NFXL1: variants seen among roughly 807,000 people sequenced by gnomAD.
NFXL1 encodes nuclear transcription factor, X-box binding like 1.
In NFXL1, 66 loss-of-function variants were observed where a neutral mutation model predicts 123.3. The observed-to-expected ratio is 0.54, with a 90% confidence interval of 0.44 to 0.66. The LOEUF (loss-of-function observed/expected upper bound fraction) is 0.66, where lower values mean the gene tolerates loss of function less well. Ranked by LOEUF, NFXL1 falls within the 30% of genes least tolerant of loss-of-function variation. The probability of loss-of-function intolerance (pLI) is 0.00; values close to 1 mark genes in which losing one functional copy is unlikely to be tolerated. For missense variants in NFXL1, 944 were observed against 1,125.6 expected, an observed-to-expected ratio of 0.84 and a Z score of 2.31; for synonymous variants, 346 against 360.8, an observed-to-expected ratio of 0.96 and a Z score of 0.46.
intron 13 of NFXL1, 110 bp from the exon 14 acceptor site, chr4:47,885,767 C>T (rs1736393196): frequency 3.0e-6 from 4 of 1,343,512 alleles, no homozygotes; most frequent in Non-Finnish European, 4.1e-6. Context: ...AATGAGTATA[C>T]TGTGAATATT....
Position 47,899,075 on chromosome 4 carries a change from C to T in NFXL1, c.872G>A (p.Cys291Tyr). Residue 291 changes from cysteine to tyrosine, a missense_variant, in exon 7 of 23, where the codon TGT (cysteine) becomes TAT (tyrosine). Cys to Tyr is a radical substitution (Grantham distance 194, BLOSUM62 -2). Coordinates refer to ENST00000507489, the MANE Select transcript of NFXL1 (RefSeq NM_001278624.2). ...CPKMVTTTCY[C>Y]KKAKPIPRRC... ...ACGAGGGATAGGTTTTGCTTTCTTA[C>T]AGTAACAAGTAGTTGTGACCATCTT... 1 of 1,599,140 alleles carries T rather than the reference C, an allele frequency of 6.3e-7. No individual in the cohort carries two copies. The highest frequency in any genetic ancestry group is 8.5e-7 in the Non-Finnish European group (1 of 1,175,830).
At chr4:47,867,958 A>G (rs1244338617) in intron 18 of NFXL1, among the ~76,000 whole-genome samples, 1 of 152,250 alleles carries the variant, frequency 6.6e-6, no homozygotes, top group Non-Finnish European at 1.5e-5. Context: ...CACTTCATTC[A>G]ACCAAGAGAA....
chr4:47,897,965 A>G lies in NFXL1; in HGVS notation c.1204+2T>C. The G allele has an allele frequency of 6.4e-7, 1 of 1,554,972 alleles. No individual in the cohort carries two copies. The highest frequency in any genetic ancestry group is 8.8e-7 in the Non-Finnish European group (1 of 1,142,218). The stretch of plus-strand genomic sequence containing the variant: ...ATAAATATAAAAAAAAACAAGTCTT[A>G]CTTGATTTCTGACATGGACAGAACC... On this transcript the variant is annotated splice_donor_variant, in intron 9 of 22. Transcript: ENST00000507489. LOFTEE classifies it high-confidence loss of function.
At chr4:47,898,234 T>C (rs964075194) in intron 8 of NFXL1, among the ~76,000 whole-genome samples, 153 bp from the exon 9 acceptor site, 8 of 152,192 alleles carry the variant, frequency 5.3e-5, no homozygotes, top group African/African-American at 1.4e-4. Flanking sequence ...GTGTCATACA[T>C]ATGTATATAT....
intron 19 of NFXL1, among the ~76,000 whole-genome samples, chr4:47,859,487 A>G (rs1734599828): frequency 6.6e-6 from 1 of 152,164 alleles, no homozygotes; most frequent in South Asian, 2.1e-4. Flanking sequence ...TAATTTTCCC[A>G]AGTAAAAAGT....
Position 47,910,913 on chromosome 4 carries a change from C to G in NFXL1, c.317G>C (p.Ser106Thr), listed in dbSNP as rs140165643. The stretch of plus-strand genomic sequence containing the variant: ...TTCATCTCCTTCTTCAGATGAAGAG[C>G]TAAACTGTTCTTCAACAAGTTTTCT... ...AARKLVEEQFSSSSEEGDEDF... is the reference protein window; with the variant it reads ...AARKLVEEQFTSSSEEGDEDF... Residue 106 changes from serine to threonine, a missense_variant, in exon 3 of 23, where the codon AGC becomes ACC. Ser to Thr is a moderately conservative substitution (Grantham distance 58). Around this residue, in one of 4 missense-constraint regions of NFXL1, gnomAD observed 303 missense variants for 292.1 expected, o/e 1.04. Coordinates refer to ENST00000507489, the MANE Select transcript of NFXL1 (RefSeq NM_001278624.2). 56 of 1,605,292 alleles carry G rather than the reference C, an allele frequency of 3.5e-5. 1 individual carries two copies. The African/African-American group carries it at 4.4e-4, about 13-fold the overall frequency.
At position 47,899,098 on chromosome 4, in the gene NFXL1, C is replaced by G. The variant is rs559438658; in HGVS notation, c.849G>C (p.Lys283Asn). 6.4e-7 allele frequency: 1 copy of G among 1,566,926 alleles called. No homozygotes were observed. The highest frequency in any genetic ancestry group is 1.1e-5 in the South Asian group (1 of 89,482). ...CHPGPCPPCPKMVTTTCYCKK... is the reference protein window; with the variant it reads ...CHPGPCPPCPNMVTTTCYCKK... ...TACAGTAACAAGTAGTTGTGACCAT[C>G]TTTGGACAAGGAGGGCAGGGACCTA... The change falls in exon 7 of 23, where the codon AAG becomes AAC. Residue 283 changes from lysine (K) to asparagine (N), a missense_variant. Around this residue, in one of 4 missense-constraint regions of NFXL1, gnomAD observed 296 missense variants for 395.1 expected, o/e 0.75. Coordinates refer to ENST00000507489, the MANE Select transcript of NFXL1 (RefSeq NM_001278624.2).
intron 12 of NFXL1, among the ~76,000 whole-genome samples, chr4:47,886,379 T>A (rs1736432620): frequency 6.6e-6 from 1 of 152,104 alleles, no homozygotes; most frequent in African/African-American, 2.4e-5. Flanking sequence ...TTTTCTCTTT[T>A]TTTTTTTGTA....
At chr4:47,886,813 G>A (rs1180346074) in intron 12 of NFXL1, among the ~76,000 whole-genome samples, 2 of 152,162 alleles carry the variant, frequency 1.3e-5, no homozygotes, top group Non-Finnish European at 2.9e-5. Context: ...ATGGATTTAA[G>A]TCTTTGGAAA....
intron 11 of NFXL1, 95 bp from the exon 12 acceptor site, chr4:47,890,798 G>T: frequency 1.5e-6 from 1 of 654,754 alleles, no homozygotes; most frequent in South Asian, 1.8e-5. Flanking sequence ...GAAAGCAAAA[G>T]ATACACTTTT....
At position 47,897,962 on chromosome 4, in the gene NFXL1, C is replaced by T. The variant is rs750632542; in HGVS notation, c.1204+5G>A. ...TATATAAATATAAAAAAAAACAAGT[C>T]TTACTTGATTTCTGACATGGACAGA... On this transcript the variant is annotated splice_donor_5th_base_variant and intron_variant, in intron 9 of 22. Coordinates refer to ENST00000507489, the MANE Select transcript of NFXL1 (RefSeq NM_001278624.2). 1 of 1,541,770 alleles carries T rather than the reference C, an allele frequency of 6.5e-7. No individual in the cohort carries two copies. The highest frequency in any genetic ancestry group is 8.8e-7 in the Non-Finnish European group (1 of 1,131,104).
rs140950304 is a variant in NFXL1, at chr4:47,889,978, C to G, written c.1543+635G>C. On this transcript the variant is annotated intron_variant, in intron 12 of 22. Transcript: ENST00000507489. ...AAAATGTAAAATTTTCTACTTTTTT[C>G]AGAAAATAGTTATTTTTCATAAAAC... Among the ~76,000 whole-genome samples, 6 of 152,092 alleles carry G rather than the reference C, an allele frequency of 3.9e-5. No individual in the cohort carries two copies. The East Asian group carries it at 1.2e-3, about 29-fold the overall frequency.
Position 47,912,775 on chromosome 4 carries a change from T to G in NFXL1, c.235+1194A>C, listed in dbSNP as rs1475677067. On this transcript the variant is annotated intron_variant, in intron 2 of 22. Transcript: ENST00000507489. ...GCCCGGACAGAATGCTTGTTTTCCT[T>G]CTACCCACGAGATGGAGACCATCCT... 3.6e-5 allele frequency among the ~76,000 whole-genome samples: 5 copies of G among 138,408 alleles called. 1 individual carries two copies. The highest frequency in any genetic ancestry group is 1.3e-4 in the African/African-American group (5 of 38,004). 90.8% of individuals were successfully genotyped at this position (138,408 alleles called of 152,430 possible).
intron 15 of NFXL1, among the ~76,000 whole-genome samples, chr4:47,881,655 T>C (rs1736121431): frequency 6.6e-6 from 1 of 152,170 alleles, no homozygotes; most frequent in Admixed American, 6.5e-5. Context: ...GGTAAATGGA[T>C]AAACAAACTA....
chr4:47,910,795 T>TC (rs1737794785), intron 3 of NFXL1, 29 bp downstream of exon 3: 1 of 1,444,010 alleles, frequency 6.9e-7, no homozygotes, highest in Non-Finnish European at 9.3e-7. Context: ...TTCATTGACG[T>TC]CAAAAGTCAA....
intron 11 of NFXL1, among the ~76,000 whole-genome samples, chr4:47,892,250 C>G (rs746499985): frequency 2.0e-5 from 3 of 152,206 alleles, no homozygotes; most frequent in Non-Finnish European, 4.4e-5. Context: ...ATGCTATCAG[C>G]TTACACATGA....
chr4:47,851,227 G>GTTC (rs1734101185), intron 21 of NFXL1, 79 bp from the exon 22 acceptor site: 1 of 996,456 alleles, frequency 1.0e-6, no homozygotes, highest in Admixed American at 1.9e-5. Context: ...ACCCATCCAG[G>GTTC]TTCTATTAAC....
chr4:47,905,271 A>G lies in NFXL1; in HGVS notation c.482T>C (p.Leu161Pro). 6.3e-7 allele frequency: 1 copy of G among 1,588,676 alleles called. No homozygotes were observed. Among genetic ancestry groups the G allele is most frequent in the Non-Finnish European group, 8.6e-7 (1 of 1,158,984 alleles). ...TCTCTTCACCGAAGCAATACAAATT[A>G]GGCATGTCATAGCCCCTGCTTGAAA... Reference protein sequence around the residue: ...EAFQAGAMTCLICIASVKRNQ... With the variant: ...EAFQAGAMTCPICIASVKRNQ... Residue 161 changes from leucine (L) to proline (P), a missense_variant, in exon 4 of 23, where the codon CTA becomes CCA. By Grantham distance (98) the Leu-to-Pro change is moderately conservative. Around this residue, in one of 4 missense-constraint regions of NFXL1, gnomAD observed 303 missense variants for 292.1 expected, o/e 1.04. Transcript: ENST00000507489.
At chr4:47,901,092 C>T (rs1223128764) in intron 5 of NFXL1, among the ~76,000 whole-genome samples, 1 of 152,102 alleles carries the variant, frequency 6.6e-6, no homozygotes, top group Non-Finnish European at 1.5e-5. Context: ...TGTGCAAACG[C>T]ATGAGTTTTA....
Sources: allele counts gnomAD v4.1 joint callset (sites outside exome capture counted in the v4.1 genomes callset), GRCh38; gene constraint gnomAD v4.1.1; regional missense constraint gnomAD v4.1.1; transcripts MANE v1.5; gene names NCBI Gene and HGNC (gene_info 2026-07-23, HGNC 2026-07-21).